TBCE: variants seen among roughly 807,000 people sequenced by gnomAD.
TBCE encodes tubulin-specific chaperone E.
A neutral mutation model predicts 77.0 loss-of-function variants in TBCE; 53 were observed. The ratio of observed to expected loss-of-function variants is 0.69; its 90% confidence interval spans 0.55 to 0.87. The LOEUF (loss-of-function observed/expected upper bound fraction) is 0.87, where lower values mean the gene tolerates loss of function less well. Ranked by LOEUF, TBCE falls within the 40% of genes least tolerant of loss-of-function variation. The probability of loss-of-function intolerance (pLI) is 0.00; values close to 1 mark genes in which losing one functional copy is unlikely to be tolerated. For missense variants in TBCE, 624 were observed against 622.4 expected, an observed-to-expected ratio of 1.00 and a Z score of -0.03; for synonymous variants, 235 against 241.3, an observed-to-expected ratio of 0.97 and a Z score of 0.24.
chr1:235,425,482 TTTG>T lies in TBCE; in HGVS notation c.461-1646_461-1644del, dbSNP rs373285642. On this transcript the variant is annotated intron_variant, in intron 5 of 16. Transcript: ENST00000642610. ...AGCACAGTGACTTTTACTGGATTTTTTTGTTGTTGTTGTTTTGTTTTTTGACAT... is the reference window on the plus strand; with the variant it reads ...AGCACAGTGACTTTTACTGGATTTTTTTGTTGTTGTTTTGTTTTTTGACAT... Among the ~76,000 whole-genome samples, 56 of 152,270 alleles carry T rather than the reference TTTG, an allele frequency of 3.7e-4. No homozygotes were observed. In the East Asian group the frequency reaches 7.3e-3, roughly 20 times the overall value.
chr1:235,379,999 T>G lies in TBCE; in HGVS notation c.-31-20T>G. 36 of 1,302,480 alleles carry G rather than the reference T, an allele frequency of 2.8e-5. No homozygotes were observed. The highest frequency in any genetic ancestry group is 3.7e-5 in the Non-Finnish European group (33 of 899,352). The allele number at this position is 1,302,480 out of a possible 1,614,324, so 80.7% of individuals were successfully genotyped here. ...AGGAATTGTATTAAGTTCTTATCAG[T>G]GTTGTATTTTTCTTCCTAGATCTCA... is the stretch of plus-strand genomic sequence containing the variant. On this transcript the variant is annotated intron_variant, in intron 1 of 16. Transcript: ENST00000642610.
chr1:235,389,021 A>G (rs573055279), intron 2 of TBCE, among the ~76,000 whole-genome samples: 1 of 152,310 alleles, frequency 6.6e-6, no homozygotes, highest in African/African-American at 2.4e-5. Context: ...GATGCTTTCT[A>G]CAGTAGACAG....
intron 15 of TBCE, among the ~76,000 whole-genome samples, chr1:235,445,186 C>A (rs1004119609): frequency 1.3e-5 from 2 of 152,246 alleles, no homozygotes; most frequent in African/African-American, 4.8e-5. Context: ...CAGCAGATTA[C>A]AAGGGTTCCT....
intron 1 of TBCE, 125 bp from the exon 2 acceptor site, chr1:235,379,894 G>A (rs1677516468): frequency 3.6e-6 from 2 of 557,454 alleles, no homozygotes; most frequent in Non-Finnish European, 6.4e-6. Flanking sequence ...GTTGCAGTGA[G>A]CCGAGATTGC....
intron 5 of TBCE, among the ~76,000 whole-genome samples, chr1:235,426,790 C>T (rs1032994163): frequency 6.6e-6 from 1 of 152,140 alleles, no homozygotes; most frequent in Admixed American, 6.5e-5. Context: ...GAATTACGAG[C>T]GCGTGCCACC....
chr1:235,444,004 TAG>T (rs1682074111), intron 15 of TBCE, among the ~76,000 whole-genome samples: 1 of 152,230 alleles, frequency 6.6e-6, no homozygotes, highest in Non-Finnish European at 1.5e-5. Flanking sequence ...ATAAATAATT[TAG>T]AGCAGTGAGG....
intron 2 of TBCE, among the ~76,000 whole-genome samples, chr1:235,395,431 A>G (rs538392238): frequency 1.1e-4 from 17 of 152,060 alleles, no homozygotes; most frequent in Admixed American, 9.8e-4. Context: ...CTGTCATGCT[A>G]TCAAACACTA....
intron 14 of TBCE, among the ~76,000 whole-genome samples, chr1:235,442,412 C>T (rs1464116657): frequency 6.6e-6 from 1 of 152,208 alleles, no homozygotes; most frequent in Non-Finnish European, 1.5e-5. Context: ...TCAGGAGATC[C>T]ACCCGCCTCG....
At chr1:235,445,050 A>G (rs1476451182) in intron 15 of TBCE, among the ~76,000 whole-genome samples, 1 of 152,238 alleles carries the variant, frequency 6.6e-6, no homozygotes, top group Admixed American at 6.5e-5. Flanking sequence ...CACTGCATTC[A>G]TGCTGTTTTT....
chr1:235,386,960 T>G (rs886938882), intron 2 of TBCE, among the ~76,000 whole-genome samples: 1 of 142,382 alleles, frequency 7.0e-6, no homozygotes, highest in Non-Finnish European at 1.6e-5. Flanking sequence ...ATGATGGTGA[T>G]GTACAGATGG....
intron 15 of TBCE, among the ~76,000 whole-genome samples, chr1:235,445,526 C>T (rs1255194024): frequency 1.3e-5 from 2 of 152,044 alleles, no homozygotes; most frequent in Non-Finnish European, 2.9e-5. Flanking sequence ...GTCCCAGCTG[C>T]TTGGGCGGCT....
intron 15 of TBCE, among the ~76,000 whole-genome samples, chr1:235,444,724 T>A (rs562473856): frequency 6.6e-6 from 1 of 152,346 alleles, no homozygotes; most frequent in African/African-American, 2.4e-5. Flanking sequence ...TTTCTGTGAA[T>A]GTTTTTGGCC....
chr1:235,438,692 G>A, intron 12 of TBCE, 77 bp from the exon 13 acceptor site: 6 of 1,568,822 alleles, frequency 3.8e-6, no homozygotes, highest in Non-Finnish European at 5.3e-6. Context: ...TATGGAGGAA[G>A]GACAAGGTGC....
chr1:235,432,231 G>A (rs1681147869), intron 7 of TBCE, among the ~76,000 whole-genome samples: 1 of 151,572 alleles, frequency 6.6e-6, no homozygotes, highest in African/African-American at 2.4e-5. Context: ...TGATCTGCCT[G>A]TCTCAGCCTC....
At chr1:235,433,897 A>C (rs1681250140) in intron 7 of TBCE, 1 of 367,650 alleles carries the variant, frequency 2.7e-6, no homozygotes, top group South Asian at 4.6e-5. Context: ...TCAAATAATA[A>C]TATGTGCAGT....
At chr1:235,444,215 CACA>C (rs900664351) in intron 15 of TBCE, among the ~76,000 whole-genome samples, 8 of 152,058 alleles carry the variant, frequency 5.3e-5, no homozygotes, top group African/African-American at 1.9e-4. Context: ...TTTAATTTAC[CACA>C]ACGTCTCCAT....
intron 1 of TBCE, among the ~76,000 whole-genome samples, chr1:235,373,904 C>T (rs1462125733): frequency 6.2e-5 from 9 of 146,072 alleles, no homozygotes; most frequent in Admixed American, 1.4e-4. Flanking sequence ...CCGCCTCGGC[C>T]TCCCAAAGTG....
At chr1:235,374,920 C>CTTT (rs1241323977) in intron 1 of TBCE, among the ~76,000 whole-genome samples, 7 of 111,982 alleles carry the variant, frequency 6.3e-5, no homozygotes, top group Non-Finnish European at 9.1e-5. Flanking sequence ...CTTTTTTTTT[C>CTTT]TTTTTTTTTT....
intron 4 of TBCE, chr1:235,415,403 GAGAA>G (rs1382772209): frequency 6.6e-6 from 1 of 152,238 alleles, no homozygotes; most frequent in Non-Finnish European, 1.5e-5. Flanking sequence ...ATCAAAGAGA[GAGAA>G]AGATAGTATT....
Sources: gnomAD v4.1 joint callset for allele counts (sites outside exome capture counted in the v4.1 genomes callset) on GRCh38, gnomAD v4.1.1 for gene constraint, MANE v1.5 for transcripts, NCBI Gene and HGNC (gene_info 2026-07-23, HGNC 2026-07-21) for gene names.